NECAB1: variants seen among roughly 807,000 people sequenced by gnomAD.
NECAB1 encodes the protein N-terminal EF-hand calcium binding protein 1.
A neutral mutation model predicts 57.5 loss-of-function variants in NECAB1; 29 were observed. That is an observed-to-expected ratio of 0.50 (90% CI 0.38 to 0.69). The LOEUF (loss-of-function observed/expected upper bound fraction) is 0.69. Among genes scored for constraint, NECAB1 ranks in the 30% least tolerant of loss-of-function variants. The pLI, the probability that NECAB1 is intolerant of heterozygous loss-of-function variation, is 0.00. For synonymous variants in NECAB1, 142 were observed against 147.7 expected (o/e 0.96, Z 0.28); for missense variants, 372 against 413.8 (o/e 0.90, Z 0.88).
intron 5 of NECAB1, among the ~76,000 whole-genome samples, chr8:90,911,276 G>A (rs1809823433): frequency 6.6e-6 from 1 of 152,028 alleles, no homozygotes; most frequent in Non-Finnish European, 1.5e-5. Context: ...AGAAAGAGGA[G>A]TAAAATCAAA....
At chr8:90,941,236 A>C (rs182044593) in intron 10 of NECAB1, among the ~76,000 whole-genome samples, 177 of 152,366 alleles carry the variant, frequency 1.2e-3, no homozygotes, top group Middle Eastern at 6.8e-3. Context: ...ACTCTGATTT[A>C]AAATCATCTC....
chr8:90,899,710 G>A (rs996212005), intron 5 of NECAB1, among the ~76,000 whole-genome samples: 6 of 152,114 alleles, frequency 3.9e-5, no homozygotes, highest in African/African-American at 1.4e-4. Flanking sequence ...CAGTACATTT[G>A]ATTTTTGTAT....
intron 2 of NECAB1, among the ~76,000 whole-genome samples, chr8:90,803,332 C>T (rs1008880948): frequency 2.6e-5 from 4 of 152,170 alleles, no homozygotes; most frequent in South Asian, 2.1e-4. Context: ...CTCTATGCCA[C>T]CTGCCTTGTA....
rs1350933823 is a variant in NECAB1, at chr8:90,958,600, G to A, written c.*3088G>A. On this transcript the variant is annotated 3_prime_UTR_variant, in exon 13 of 13. Coordinates refer to ENST00000417640, the MANE Select transcript of NECAB1 (RefSeq NM_022351.5). Reference sequence around the variant, plus strand: ...ATCAGTGGGAAGCAGAACAACAGAAGGAACTTTAAAAGCAACAAGCAATTA... The same window carrying A: ...ATCAGTGGGAAGCAGAACAACAGAAAGAACTTTAAAAGCAACAAGCAATTA... The A allele has an allele frequency of 1.8e-5, 3 of 169,506 alleles. No homozygotes were observed. Among genetic ancestry groups the A allele is most frequent in the Non-Finnish European group, 3.7e-5 (3 of 80,264 alleles). The allele number at this position is 169,506 out of a possible 1,614,324, so 10.5% of individuals were successfully genotyped here.
chr8:90,796,695 G>A (rs1811666502), intron 1 of NECAB1, among the ~76,000 whole-genome samples: 2 of 152,126 alleles, frequency 1.3e-5, no homozygotes, highest in African/African-American at 4.8e-5. Flanking sequence ...TCTATCCAGT[G>A]GTAGCAACCT....
At chr8:90,940,956 C>A in intron 10 of NECAB1, 58 bp downstream of exon 10, 1 of 1,273,994 alleles carries the variant, frequency 7.8e-7, no homozygotes, top group Non-Finnish European at 1.1e-6. Flanking sequence ...ACAGTGAAGG[C>A]ATTTCTTACT....
intron 6 of NECAB1, among the ~76,000 whole-genome samples, chr8:90,923,966 TAGTC>T (rs563928740): frequency 5.3e-5 from 8 of 152,044 alleles, no homozygotes; most frequent in African/African-American, 1.9e-4. Context: ...TTAAGAAAAA[TAGTC>T]AGAATTGGAA....
At chr8:90,889,973 GT>G (rs1466140464) in intron 5 of NECAB1, among the ~76,000 whole-genome samples, 3 of 152,044 alleles carry the variant, frequency 2.0e-5, no homozygotes, top group Non-Finnish European at 4.4e-5. Flanking sequence ...GTGTGTGTGT[GT>G]GTTTGTGTGT....
chr8:90,795,483 A>G (rs1236667311), intron 1 of NECAB1, among the ~76,000 whole-genome samples: 1 of 152,164 alleles, frequency 6.6e-6, no homozygotes, highest in South Asian at 2.1e-4. Context: ...ACACTCATGT[A>G]CACTCTGAAT....
intron 6 of NECAB1, among the ~76,000 whole-genome samples, chr8:90,917,870 A>ATATATATATATGTGTGTGTG (rs1554575432): frequency 9.3e-5 from 6 of 64,340 alleles, no homozygotes; most frequent in East Asian, 1.1e-3. Context: ...ATATATATAT[A>ATATATATATATGTGTGTGTG]TGTGTGTGTG....
intron 3 of NECAB1, among the ~76,000 whole-genome samples, chr8:90,836,546 T>C (rs779304956): frequency 1.3e-5 from 2 of 152,218 alleles, no homozygotes; most frequent in Admixed American, 1.3e-4. Flanking sequence ...GTTTTATCAT[T>C]TACATAACTA....
rs1346705100 is a variant in NECAB1, at chr8:90,791,853, C to T, written c.-34C>T. On this transcript the variant is annotated 5_prime_UTR_variant, in exon 1 of 13. Transcript: ENST00000417640. ...GCCAGAGCCGGTGCGTCCGCCTAGC[C>T]CCGCTCCGCCTGAGGCCGTCAGGGC... The T allele has an allele frequency of 6.6e-7, 1 of 1,522,282 alleles. No individual in the cohort carries two copies. 94.3% of individuals were successfully genotyped at this position (1,522,282 alleles called of 1,614,324 possible).
chr8:90,922,486 A>ATTGTTTTTTTTTTTTTTTTTTTTTTTT (rs1810140292), intron 6 of NECAB1, among the ~76,000 whole-genome samples: 2 of 57,520 alleles, frequency 3.5e-5, no homozygotes, highest in Admixed American at 3.0e-4. Flanking sequence ...AAAAACTTGG[A>ATTGTTTTTTTTTTTTTTTTTTTTTTTT]TTTTTTTTTT....
At chr8:90,822,564 T>C (rs1487571530) in intron 2 of NECAB1, among the ~76,000 whole-genome samples, 1 of 151,864 alleles carries the variant, frequency 6.6e-6, no homozygotes, top group Non-Finnish European at 1.5e-5. Flanking sequence ...TAAAAGTCTT[T>C]TAGCCCCAGA....
chr8:90,940,573 G>T, intron 9 of NECAB1: 2 of 493,422 alleles, frequency 4.1e-6, no homozygotes, highest in South Asian at 6.7e-5. Context: ...AGAACACGTT[G>T]TTTAGCTTCT....
chr8:90,922,768 T>C (rs1445964278), intron 6 of NECAB1, among the ~76,000 whole-genome samples: 1 of 152,046 alleles, frequency 6.6e-6, no homozygotes, highest in African/African-American at 2.4e-5. Context: ...GCTGGGATTA[T>C]AGGCGTGAGC....
chr8:90,898,440 G>A (rs1043872985), intron 5 of NECAB1, among the ~76,000 whole-genome samples: 3 of 152,042 alleles, frequency 2.0e-5, no homozygotes, highest in African/African-American at 7.2e-5. Context: ...AAAACCACAG[G>A]ACCCTAAAAA....
intron 5 of NECAB1, among the ~76,000 whole-genome samples, chr8:90,889,504 T>C (rs1231010492): frequency 6.6e-6 from 1 of 152,238 alleles, no homozygotes; most frequent in East Asian, 1.9e-4. Context: ...CGTTATCTAC[T>C]GTGGAAGTTT....
intron 6 of NECAB1, among the ~76,000 whole-genome samples, chr8:90,917,970 G>A (rs58188805): frequency 4.4e-4 from 29 of 65,876 alleles, no homozygotes; most frequent in East Asian, 2.8e-3. Context: ...ACATATGTGT[G>A]TGTGTGTATA....
Sources: gnomAD v4.1 joint callset for allele counts (sites outside exome capture counted in the v4.1 genomes callset) on GRCh38, gnomAD v4.1.1 for gene constraint, MANE v1.5 for transcripts, NCBI Gene and HGNC (gene_info 2026-07-23, HGNC 2026-07-21) for gene names.